The following XIRP2 variants were observed in gnomAD, a reference collection of about 807,000 sequenced individuals.
XIRP2 encodes xin actin-binding repeat-containing protein 2.
In XIRP2, 236 loss-of-function variants were observed where a neutral mutation model predicts 277.0. That is an observed-to-expected ratio of 0.85 (90% CI 0.77 to 0.95). The LOEUF is 0.95. Among genes scored for constraint, XIRP2 ranks in the 40% least tolerant of loss-of-function variants. The pLI is 0.00. For synonymous variants in XIRP2, 1,490 were observed against 1,416.5 expected, an observed-to-expected ratio of 1.05 and a Z score of -1.17; for missense variants, 4,640 against 4,157.5, an observed-to-expected ratio of 1.12 and a Z score of -3.19.
rs1284558778 is a variant in XIRP2, at chr2:167,258,810, C to T, written c.*993C>T. 1.2e-6 allele frequency: 2 copies of T among 1,612,984 alleles called. No homozygotes were observed. The highest frequency in any genetic ancestry group is 1.7e-5 in the Admixed American group (1 of 59,810). On this transcript the variant is annotated 3_prime_UTR_variant, in exon 11 of 11. Transcript: ENST00000409195. Reference sequence around the variant, plus strand: ...TATGAAATTGAGAAGTTAGAAAATACATCTAGAATCTCAGAGTTACTTGGT... The same window carrying T: ...TATGAAATTGAGAAGTTAGAAAATATATCTAGAATCTCAGAGTTACTTGGT...
intron 2 of XIRP2, among the ~76,000 whole-genome samples, chr2:167,130,840 TA>T (rs1691352456): frequency 2.0e-5 from 3 of 152,150 alleles, no homozygotes; most frequent in Admixed American, 2.0e-4. Flanking sequence ...AAGTCAGCTA[TA>T]TACTTTCTCA....
intron 3 of XIRP2, among the ~76,000 whole-genome samples, chr2:167,201,255 AAAGAAAGAGAGAGG>A (rs1693701649): frequency 2.9e-5 from 4 of 137,198 alleles, no homozygotes; most frequent in Admixed American, 1.5e-4. Flanking sequence ...AGAAAGAAAG[AAAGAAAGAGAGAGG>A]GAGAAAGGAA....
chr2:167,222,083 T>C (rs1354844753), intron 5 of XIRP2, among the ~76,000 whole-genome samples: 15 of 152,230 alleles, frequency 9.9e-5, no homozygotes, highest in Admixed American at 9.8e-4. Flanking sequence ...AATCTATCTC[T>C]GAGATTAAAG....
chr2:167,083,163 G>C (rs1349863266), intron 2 of XIRP2, among the ~76,000 whole-genome samples: 1 of 152,062 alleles, frequency 6.6e-6, no homozygotes, highest in East Asian at 1.9e-4. Context: ...TCTACATATG[G>C]CTAGCCAGTT....
chr2:167,254,391 C>T (rs946808225), intron 10 of XIRP2, among the ~76,000 whole-genome samples: 3 of 151,870 alleles, frequency 2.0e-5, no homozygotes, highest in African/African-American at 7.2e-5. Flanking sequence ...TGTCTGAACA[C>T]AAAAATCACA....
intron 2 of XIRP2, among the ~76,000 whole-genome samples, chr2:167,050,997 T>G (rs1688899525): frequency 6.6e-6 from 1 of 152,010 alleles, no homozygotes; most frequent in Admixed American, 6.6e-5. Flanking sequence ...TTCTCAAAAT[T>G]GCTCTTATGC....
intron 3 of XIRP2, among the ~76,000 whole-genome samples, chr2:167,164,944 C>T (rs1471670949): frequency 6.6e-6 from 1 of 152,136 alleles, no homozygotes; most frequent in Admixed American, 6.5e-5. Context: ...ACAATATCCA[C>T]AATTAGGGCA....
At chr2:167,171,365 T>G (rs1013155287) in intron 3 of XIRP2, among the ~76,000 whole-genome samples, 4 of 152,238 alleles carry the variant, frequency 2.6e-5, no homozygotes, top group Non-Finnish European at 5.9e-5. Flanking sequence ...TGAAATGGGT[T>G]GTTTTATTTA....
chr2:166,921,750 T>C (rs1685046357), intron 2 of XIRP2, among the ~76,000 whole-genome samples: 1 of 152,132 alleles, frequency 6.6e-6, no homozygotes. Flanking sequence ...TTATGTGCAT[T>C]AGCATTGCAT....
intron 2 of XIRP2, among the ~76,000 whole-genome samples, chr2:166,908,549 C>G (rs936008925): frequency 6.6e-6 from 1 of 152,052 alleles, no homozygotes; most frequent in Non-Finnish European, 1.5e-5. Context: ...CAAAAATTTT[C>G]TCCCATTCTG....
At chr2:167,052,318 A>G (rs780611589) in intron 2 of XIRP2, among the ~76,000 whole-genome samples, 15 of 152,014 alleles carry the variant, frequency 9.9e-5, no homozygotes, top group Non-Finnish European at 1.8e-4. Context: ...TTTTTTTTAA[A>G]TAGGGGAAAG....
intron 2 of XIRP2, among the ~76,000 whole-genome samples, chr2:166,927,367 A>T (rs1574084810): frequency 6.6e-6 from 1 of 152,258 alleles, no homozygotes; most frequent in Admixed American, 6.6e-5. Flanking sequence ...TGGAGGTCCA[A>T]AGTCCTACAT....
At chr2:166,978,758 A>T (rs1686785342) in intron 2 of XIRP2, among the ~76,000 whole-genome samples, 1 of 152,126 alleles carries the variant, frequency 6.6e-6, no homozygotes, top group South Asian at 2.1e-4. Flanking sequence ...CAAGGCAAGG[A>T]TCACTTGAGC....
At chr2:167,104,371 T>C (rs1690561706) in intron 2 of XIRP2, among the ~76,000 whole-genome samples, 1 of 152,268 alleles carries the variant, frequency 6.6e-6, no homozygotes, top group Admixed American at 6.5e-5. Context: ...CAACCCATCA[T>C]AACAATTTTA....
At chr2:166,920,816 T>A (rs755011943) in intron 2 of XIRP2, among the ~76,000 whole-genome samples, 1 of 152,078 alleles carries the variant, frequency 6.6e-6, no homozygotes, top group African/African-American at 2.4e-5. Context: ...TGAGAAAATA[T>A]AGGCTGGGTG....
chr2:167,115,842 A>G (rs1202785223), intron 2 of XIRP2, among the ~76,000 whole-genome samples: 1 of 152,156 alleles, frequency 6.6e-6, no homozygotes, highest in African/African-American at 2.4e-5. Flanking sequence ...GCTCTAGCAG[A>G]TGTTCAATAT....
chr2:167,086,895 C>T (rs557149278), intron 2 of XIRP2, among the ~76,000 whole-genome samples: 1 of 152,288 alleles, frequency 6.6e-6, no homozygotes, highest in Non-Finnish European at 1.5e-5. Flanking sequence ...TGAATGTCCT[C>T]CTGTAGCTCA....
chr2:167,253,061 G>A (rs1239528384), intron 9 of XIRP2, among the ~76,000 whole-genome samples: 2 of 151,894 alleles, frequency 1.3e-5, no homozygotes, highest in East Asian at 3.9e-4. Context: ...TCACTCAGTG[G>A]CCCAGATTGA....
At chr2:167,130,089 C>T (rs1691330347) in intron 2 of XIRP2, among the ~76,000 whole-genome samples, 1 of 152,052 alleles carries the variant, frequency 6.6e-6, no homozygotes. Context: ...CTTCTCTACC[C>T]TCCACCTCTT....
Sources: gnomAD v4.1 joint callset for allele counts (sites outside exome capture counted in the v4.1 genomes callset) on GRCh38, gnomAD v4.1.1 for gene constraint, MANE v1.5 for transcripts, NCBI Gene and HGNC (gene_info 2026-07-23, HGNC 2026-07-21) for gene names.